Variants in PGAP6 observed in about 807,000 individuals in gnomAD.
PGAP6 encodes post-GPI attachment to proteins factor 6.
A neutral mutation model predicts 68.4 loss-of-function variants in PGAP6; 62 were observed. That is an observed-to-expected ratio of 0.91 (90% CI 0.74 to 1.12). The LOEUF is 1.12. Ranked by LOEUF, PGAP6 falls within the 50% of genes most tolerant of loss-of-function variation. The pLI is 0.00. For synonymous variants in PGAP6, 575 were observed against 474.0 expected, an observed-to-expected ratio of 1.21 and a Z score of -2.77; for missense variants, 1,188 against 1,068.5, an observed-to-expected ratio of 1.11 and a Z score of -1.56.
In PGAP6 at chr16:374,210, G is replaced by A. The variant is rs749187454; in HGVS notation, c.1755+11C>T. 5.0e-6 allele frequency: 8 copies of A among 1,610,278 alleles called. No homozygotes were observed. Among genetic ancestry groups the A allele is most frequent in the East Asian group, 2.2e-5 (1 of 44,882 alleles). Reference sequence around the variant, plus strand: ...TCCCACCCCACATCCCTGCAGGAGGGGCCAGCCTACCGTGGAGAAGAACAT... The same window carrying A: ...TCCCACCCCACATCCCTGCAGGAGGAGCCAGCCTACCGTGGAGAAGAACAT... On this transcript the variant is annotated intron_variant, in intron 10 of 12. Transcript: ENST00000431232.
upstream of PGAP6, among the ~76,000 whole-genome samples, chr16:385,419 C>T (rs2054475127): frequency 7.1e-6 from 1 of 140,522 alleles, no homozygotes; most frequent in African/African-American, 2.7e-5. Flanking sequence ...TCACGCCATT[C>T]TCCTGCCTCA....
chr16:379,623 G>T (rs1050624914), intron 1 of PGAP6, among the ~76,000 whole-genome samples: 2 of 152,194 alleles, frequency 1.3e-5, no homozygotes, highest in Admixed American at 6.5e-5. Context: ...TGGGCTGCTG[G>T]GGCAAAGCCC....
At chr16:382,564 C>T (rs2054453343), upstream of PGAP6, 1 of 297,604 alleles carries the variant, frequency 3.4e-6, no homozygotes, top group Non-Finnish European at 6.2e-6. Context: ...TGGCGGTTCA[C>T]ACGGGTGCGT....
At chr16:384,524 C>T (rs1407327642), upstream of PGAP6, 1 of 152,268 alleles carries the variant, frequency 6.6e-6, no homozygotes, top group Non-Finnish European at 1.5e-5. Flanking sequence ...CATGTGAACC[C>T]CCTCAACCTT....
chr16:381,918 TCCGCCTCTGCCC>T lies in PGAP6; in HGVS notation c.-109_-98del, dbSNP rs2054443437. The T allele has an allele frequency of 5.7e-6, 2 of 349,664 alleles. No homozygotes were observed. The highest frequency in any genetic ancestry group is 2.7e-4 in the South Asian group (2 of 7,526). 21.7% of individuals were successfully genotyped at this position (349,664 alleles called of 1,614,324 possible). On this transcript the variant is annotated 5_prime_UTR_variant, in exon 1 of 13. Transcript: ENST00000431232. ...CTCTGCCGCCTCCGCCTCTGCCGCCTCCGCCTCTGCCCCCGGCGCCCATGGCCCGGCCGGTCC... is the reference window on the plus strand; with the variant it reads ...CTCTGCCGCCTCCGCCTCTGCCGCCTCCGGCGCCCATGGCCCGGCCGGTCC...
In PGAP6 at chr16:375,255, G is replaced by A. The variant is rs200413821; in HGVS notation, c.1317C>T (p.Ala439=). The change falls in exon 8 of 13, where the codon GCC becomes GCT. Residue 439 remains alanine, a splice_region_variant and synonymous_variant. Transcript: ENST00000431232. ...GFNTSLNCTT[A]FFQGYPLSLS... ...GAGACAAAGGGTAGCCCTGGAAGAAGGCTGCAGGGGAGCCAGAGGGCCCCA... is the reference window on the plus strand; with the variant it reads ...GAGACAAAGGGTAGCCCTGGAAGAAAGCTGCAGGGGAGCCAGAGGGCCCCA... 4 of 1,613,024 alleles carry A rather than the reference G, an allele frequency of 2.5e-6. No homozygotes were observed. Among genetic ancestry groups the A allele is most frequent in the Non-Finnish European group, 3.4e-6 (4 of 1,179,948 alleles).
chr16:382,459 C>G (rs902888708), upstream of PGAP6: 1 of 373,654 alleles, frequency 2.7e-6, no homozygotes, highest in Non-Finnish European at 4.8e-6. Flanking sequence ...CCGGCCTTCA[C>G]GCCGCAGAGC....
At position 374,867 on chromosome 16, in the gene PGAP6, C is replaced by T. The variant is rs747731323; in HGVS notation, c.1465G>A (p.Val489Met). Residue 489 changes from valine (V) to methionine (M), a missense_variant, in exon 9 of 13, where the codon GTG (valine) becomes ATG (methionine). Physicochemically the swap from Val to Met is conservative, Grantham distance 21 (BLOSUM62 1). Transcript: ENST00000431232. ...AEDCEQAVVH[V>M]ETTLYLVPCL... ...GGCACCAGGTACAAGGTGGTCTCCA[C>T]GTGGACCACAGCCTGCTCACAGTCC... The T allele has an allele frequency of 1.1e-5, 18 of 1,612,820 alleles. No homozygotes were observed. Among genetic ancestry groups the T allele is most frequent in the East Asian group, 4.5e-5 (2 of 44,902 alleles).
At chr16:374,640 G>T (rs1370579931) in intron 9 of PGAP6, 116 bp downstream of exon 9, 2 of 1,415,848 alleles carry the variant, frequency 1.4e-6, no homozygotes, top group Non-Finnish European at 1.9e-6. Context: ...CCCCTGCATT[G>T]CTCTGCAAGG....
Position 376,549 on chromosome 16 carries a change from A to G in PGAP6, c.899T>C (p.Leu300Pro), listed in dbSNP as rs780554251. The G allele has an allele frequency of 3.9e-5, 61 of 1,545,724 alleles. No individual in the cohort carries two copies. In the South Asian group the frequency reaches 4.8e-4, roughly 12 times the overall value. The part of the protein sequence containing the change: ...GTVAFSAVAA[L>P]TACRPRSVTI... The stretch of plus-strand genomic sequence containing the variant: ...CCAGCCCTTGTGCGGCCCACCTGTG[A>G]GGGCAGCTACAGCACTGAAAGCCAC... Residue 300 changes from leucine (L) to proline (P), a missense_variant, in exon 5 of 13, where the codon CTC (leucine) becomes CCC (proline). Leu to Pro is a moderately conservative substitution (Grantham distance 98). Coordinates refer to ENST00000431232, the MANE Select transcript of PGAP6 (RefSeq NM_021259.3).
intron 6 of PGAP6, 36 bp downstream of exon 6, chr16:376,100 A>C: frequency 6.4e-7 from 1 of 1,562,084 alleles, no homozygotes. Context: ...GCCCTGCCCG[A>C]GCCCAGGCCA....
At position 375,223 on chromosome 16, in the gene PGAP6, G is replaced by A; in HGVS notation, c.1349C>T (p.Ala450Val). The change falls in exon 8 of 13, where the codon GCC becomes GTC. Residue 450 changes from alanine (A) to valine (V), a missense_variant. Transcript: ENST00000431232. ...GATGAGGTTGGCCCTGCGAGACCAG[G>A]CGCTCAGAGACAAAGGGTAGCCCTG... ...FFQGYPLSLSAWSRRANLIIP... is the reference protein window; with the variant it reads ...FFQGYPLSLSVWSRRANLIIP... 1 of 1,613,314 alleles carries A rather than the reference G, an allele frequency of 6.2e-7. No homozygotes were observed. Among genetic ancestry groups the A allele is most frequent in the Non-Finnish European group, 8.5e-7 (1 of 1,179,988 alleles).
In PGAP6 at chr16:375,330, G is replaced by A. The variant is rs937554886; in HGVS notation, c.1315+15C>T. ...TGGCCGGGGCCACGCTGACGGTGAC[G>A]CCTGCCCATCATACCTGTGGTGCAG... On this transcript the variant is annotated intron_variant, in intron 7 of 12. Coordinates refer to ENST00000431232, the MANE Select transcript of PGAP6 (RefSeq NM_021259.3). 52 of 1,612,564 alleles carry A rather than the reference G, an allele frequency of 3.2e-5. No homozygotes were observed. Among genetic ancestry groups the A allele is most frequent in the Non-Finnish European group, 3.9e-5 (46 of 1,179,924 alleles).
Position 374,341 on chromosome 16 carries a change from C to G in PGAP6, c.1635G>C (p.Arg545Ser). The change falls in exon 10 of 13, where the codon AGG becomes AGC. Residue 545 changes from arginine to serine, a missense_variant. Transcript: ENST00000431232. ...NSTAQTVAQQRAATLLLTLSN... is the reference protein window; with the variant it reads ...NSTAQTVAQQSAATLLLTLSN... The stretch of plus-strand genomic sequence containing the variant: ...TGAGCGTGAGCAGCAGTGTGGCCGC[C>G]CTCTGCTGGGCCACCGTCTGGGCTG... 3.1e-6 allele frequency: 5 copies of G among 1,603,022 alleles called. No individual in the cohort carries two copies. Among genetic ancestry groups the G allele is most frequent in the Non-Finnish European group, 4.2e-6 (5 of 1,179,276 alleles).
Position 374,159 on chromosome 16 carries a change from G to A in PGAP6, c.1756-8C>T, listed in dbSNP as rs897630118. ...GTCGCAGGCGTGGTAGAACTGTGGG[G>A]AGGCTCCATGAGCGCGGTCCTGCCC... On this transcript the variant is annotated splice_region_variant and splice_polypyrimidine_tract_variant and intron_variant, in intron 10 of 12. Coordinates refer to ENST00000431232, the MANE Select transcript of PGAP6 (RefSeq NM_021259.3). The A allele has an allele frequency of 6.2e-7, 1 of 1,610,678 alleles. No homozygotes were observed. Among genetic ancestry groups the A allele is most frequent in the Non-Finnish European group, 8.5e-7 (1 of 1,179,904 alleles).
upstream of PGAP6, among the ~76,000 whole-genome samples, chr16:385,342 C>T (rs1463420499): frequency 4.7e-5 from 6 of 128,816 alleles, no homozygotes; most frequent in South Asian, 2.5e-4. Context: ...TGAGACGGAG[C>T]CTCACTGTCG....
chr16:374,076 A>C lies in PGAP6; in HGVS notation c.1831T>G (p.Phe611Val), dbSNP rs766386610. The stretch of plus-strand genomic sequence containing the variant: ...CAGATGGCCGCCCCGGAGCCCAAGA[A>C]GTCGCAGTACTGCAGCGTGTCGTAG... ...LSYDTLQYCD[F>V]LGSGAAIWVT... Residue 611 changes from phenylalanine to valine, a missense_variant, in exon 11 of 13, where the codon TTC becomes GTC. Transcript: ENST00000431232. The C allele has an allele frequency of 2.5e-6, 4 of 1,612,014 alleles. No homozygotes were observed. The highest frequency in any genetic ancestry group is 3.4e-6 in the Non-Finnish European group (4 of 1,179,968).
chr16:373,870 C>G (rs2054355442), intron 11 of PGAP6, 135 bp downstream of exon 11: 2 of 1,150,558 alleles, frequency 1.7e-6, no homozygotes, highest in African/African-American at 1.6e-5. Context: ...AGCCACCATG[C>G]TCGGCCGAGA....
At chr16:386,726 CAAA>C (rs10544230), upstream of PGAP6, 6,092 of 307,490 alleles carry the variant, frequency 0.02, 1 homozygote, top group East Asian at 0.037. Context: ...AAAAAAAAAC[CAAA>C]AAAAAAAAAA....
Sources: gnomAD v4.1 joint callset for allele counts (sites outside exome capture counted in the v4.1 genomes callset) on GRCh38, gnomAD v4.1.1 for gene constraint, MANE v1.5 for transcripts, NCBI Gene and HGNC (gene_info 2026-07-23, HGNC 2026-07-21) for gene names.